ZDBF2: variants seen among roughly 807,000 people sequenced by gnomAD.
ZDBF2 encodes zinc finger DBF-type containing 2.
Under a neutral mutation model 9.4 loss-of-function variants are expected in ZDBF2, and 6 were observed. The ratio of observed to expected loss-of-function variants is 0.64; its 90% CI spans 0.35 to 1.27. The LOEUF (loss-of-function observed/expected upper bound fraction) is 1.27, where lower values mean the gene tolerates loss of function less well. ZDBF2 is among the 50% of genes most tolerant of loss of function. ZDBF2 has a pLI of 0.03. For missense variants in ZDBF2, 2,697 were observed against 2,766.8 expected (o/e 0.97, Z 0.57); for synonymous variants, 905 against 946.3 (o/e 0.96, Z 0.80).
rs778761720 is a variant in ZDBF2, at chr2:206,308,205, A to G, written c.3677A>G (p.Asp1226Gly). Residue 1226 changes from aspartate to glycine, a missense_variant, in exon 5 of 5, where the codon GAT (aspartate) becomes GGT (glycine). Coordinates refer to ENST00000374423, the MANE Select transcript of ZDBF2 (RefSeq NM_020923.3). ...GTTAAAGAAATAAGCCTTTGGAAGG[A>G]TGAAGAAGTTGACACGGAAGATAGG... ...ETVKEISLWK[D>G]EEVDTEDRRN... The G allele has an allele frequency of 1.2e-6, 2 of 1,613,924 alleles. No homozygotes were observed. The highest frequency in any genetic ancestry group is 2.2e-5 in the South Asian group (2 of 91,058).
rs191976534 is a variant in ZDBF2 at position 206,284,185 on chromosome 2, G to T, written c.60+2276G>T. ...GAGATAGGGCTATACTTTTTTTTTT[G>T]AGTCTGTAAAATTAAATCTGTTTCA... On this transcript the variant is annotated intron_variant, in intron 3 of 4. Coordinates refer to ENST00000374423, the MANE Select transcript of ZDBF2 (RefSeq NM_020923.3). Among the ~76,000 whole-genome samples the T allele has an allele frequency of 9.8e-3, 1,470 of 150,202 alleles. 24 individuals are homozygous for T. The highest frequency in any genetic ancestry group is 0.032 in the African/African-American group (1,326 of 40,930).
chr2:206,298,462 G>A (rs546171912), intron 4 of ZDBF2, among the ~76,000 whole-genome samples: 26 of 152,318 alleles, frequency 1.7e-4, no homozygotes, highest in Admixed American at 7.2e-4. Flanking sequence ...TGGTTTCTTA[G>A]CTGGTGGGAA....
At position 206,306,017 on chromosome 2, in the gene ZDBF2, G is replaced by A; in HGVS notation, c.1489G>A (p.Asp497Asn). 6.2e-7 allele frequency: 1 copy of A among 1,613,338 alleles called. No homozygotes were observed. Residue 497 changes from aspartate to asparagine, a missense_variant, in exon 5 of 5, where the codon GAT becomes AAT. Around this residue, in one of 3 missense-constraint regions of ZDBF2, gnomAD observed 910 missense variants for 973.6 expected, o/e 0.93. Transcript: ENST00000374423. ...YESSSSETNF[D>N]CDASPQSTSD... ...ATCTAGTAGTTCTGAAACGAATTTTGATTGTGATGCTTCACCTCAGTCCAC... is the reference window on the plus strand; with the variant it reads ...ATCTAGTAGTTCTGAAACGAATTTTAATTGTGATGCTTCACCTCAGTCCAC...
chr2:206,309,799 A>G lies in ZDBF2; in HGVS notation c.5271A>G (p.Pro1757=), dbSNP rs372329507. Reference sequence around the variant, plus strand: ...ATTTTCAGTGTGCTCCCCCTCTTCCATCTGATACTGATCAGCCTCAAGAAA... The same window carrying G: ...ATTTTCAGTGTGCTCCCCCTCTTCCGTCTGATACTGATCAGCCTCAAGAAA... ...EMNFQCAPPL[P]SDTDQPQETV... is the part of the protein sequence containing the mutation. Residue 1757 remains proline (P), a synonymous_variant, in exon 5 of 5, where the codon CCA becomes CCG. Coordinates refer to ENST00000374423, the MANE Select transcript of ZDBF2 (RefSeq NM_020923.3). 19 of 1,613,978 alleles carry G rather than the reference A, an allele frequency of 1.2e-5. No individual in the cohort carries two copies. The highest frequency in any genetic ancestry group is 1.7e-4 in the Middle Eastern group (1 of 6,060).
At chr2:206,289,044 G>A (rs1421987261) in intron 3 of ZDBF2, among the ~76,000 whole-genome samples, 1 of 152,116 alleles carries the variant, frequency 6.6e-6, no homozygotes, top group African/African-American at 2.4e-5. Flanking sequence ...GTCTAGTCTG[G>A]TCTAGGAAAG....
chr2:206,279,569 A>C lies in ZDBF2; in HGVS notation c.-73A>C, dbSNP rs970803676. 6.6e-6 allele frequency: 1 copy of C among 152,154 alleles called. No individual in the cohort carries two copies. The highest frequency in any genetic ancestry group is 2.4e-5 in the African/African-American group (1 of 41,412). The allele number at this position is 152,154 out of a possible 1,614,324, so 9.4% of individuals were successfully genotyped here. A position where few individuals can be genotyped will look rare whatever the true frequency, so the allele number is the denominator to read the frequency against. Reference sequence around the variant, plus strand: ...TTGCCAGAACTAATACAGCTGATGAAATACCTGACCTTTTCTGCTCCAGGT... The same window carrying C: ...TTGCCAGAACTAATACAGCTGATGACATACCTGACCTTTTCTGCTCCAGGT... On this transcript the variant is annotated 5_prime_UTR_variant, in exon 2 of 5. Transcript: ENST00000374423.
rs190625973 is a variant in ZDBF2 at position 206,305,732 on chromosome 2, A to G, written c.1204A>G (p.Arg402Gly). ...TGACCAAGAAGATAACTATGAGTCT[A>G]GAGGTTCAGAAATGAGTTTTGATTG... ...QIDQEDNYES[R>G]GSEMSFDCSS... Residue 402 changes from arginine to glycine, a missense_variant, in exon 5 of 5, where the codon AGA becomes GGA. Coordinates refer to ENST00000374423, the MANE Select transcript of ZDBF2 (RefSeq NM_020923.3). 84 of 1,613,778 alleles carry G rather than the reference A, an allele frequency of 5.2e-5. No individual in the cohort carries two copies. In the African/African-American group the frequency reaches 8.8e-4, roughly 17 times the overall value.
rs1414257599 is a variant in ZDBF2 at position 206,312,282 on chromosome 2, T to C, written c.*689T>C. Reference sequence around the variant, plus strand: ...CCCATGTGTTTAGGCATTCCCCCCCTTTTTTTTAACCACCTTTACTCTCTT... The same window carrying C: ...CCCATGTGTTTAGGCATTCCCCCCCCTTTTTTTAACCACCTTTACTCTCTT... On this transcript the variant is annotated 3_prime_UTR_variant, in exon 5 of 5. Coordinates refer to ENST00000374423, the MANE Select transcript of ZDBF2 (RefSeq NM_020923.3). 2 of 151,102 alleles carry C rather than the reference T, an allele frequency of 1.3e-5. No homozygotes were observed. The highest frequency in any genetic ancestry group is 1.5e-5 in the Non-Finnish European group (1 of 67,424). The allele number at this position is 151,102 out of a possible 1,614,324, so 9.4% of individuals were successfully genotyped here.
At chr2:206,298,903 C>A (rs1382557709) in intron 4 of ZDBF2, among the ~76,000 whole-genome samples, 3 of 150,926 alleles carry the variant, frequency 2.0e-5, no homozygotes, top group Non-Finnish European at 4.4e-5. Context: ...TTTTTTGAGA[C>A]AGAGTCTCGG....
At chr2:206,303,926 AT>A (rs929522261) in intron 4 of ZDBF2, among the ~76,000 whole-genome samples, 5 of 152,190 alleles carry the variant, frequency 3.3e-5, no homozygotes, top group African/African-American at 1.2e-4. Context: ...ATTAAATACC[AT>A]TAATTATTTA....
chr2:206,276,987 G>C (rs564383364), intron 1 of ZDBF2, among the ~76,000 whole-genome samples: 1 of 152,054 alleles, frequency 6.6e-6, no homozygotes, highest in African/African-American at 2.4e-5. Context: ...TTATGCATTC[G>C]GCCATTGTTT....
Position 206,311,579 on chromosome 2 carries a change from A to G in ZDBF2, c.7051A>G (p.Asn2351Asp). The G allele has an allele frequency of 6.7e-7, 1 of 1,502,172 alleles. No individual in the cohort carries two copies. Among genetic ancestry groups the G allele is most frequent in the Non-Finnish European group, 8.9e-7 (1 of 1,127,250 alleles). The allele number at this position is 1,502,172 out of a possible 1,614,324, so 93.1% of individuals were successfully genotyped here. A position where few individuals can be genotyped will look rare whatever the true frequency, so the allele number is the denominator to read the frequency against. Residue 2351 changes from asparagine to aspartate, a missense_variant, in exon 5 of 5, where the codon AAT becomes GAT. Around this residue, in one of 3 missense-constraint regions of ZDBF2, gnomAD observed 1,783 missense variants for 1,776.5 expected, o/e 1.00. Transcript: ENST00000374423. ...MTRLANKLRG[N>D]EVK ...TCGGCTAGCAAACAAACTGAGAGGT[A>G]ATGAGGTAAAATAGAAGTTGGTTTT...
chr2:206,279,285 C>T (rs1574374144), intron 1 of ZDBF2, among the ~76,000 whole-genome samples: 1 of 152,088 alleles, frequency 6.6e-6, no homozygotes, highest in Admixed American at 6.6e-5. Context: ...GCTACTGTTC[C>T]AGGAACCTAG....
In ZDBF2 at chr2:206,305,672, G is replaced by C; in HGVS notation, c.1144G>C (p.Ala382Pro). The change falls in exon 5 of 5, where the codon GCA (alanine) becomes CCA (proline). Residue 382 changes from alanine (A) to proline (P), a missense_variant. This residue lies in a region of ZDBF2 where 910 missense variants were observed against 973.6 expected (regional missense o/e 0.93). Transcript: ENST00000374423. The stretch of plus-strand genomic sequence containing the variant: ...AGCATCTGATCAGCCCCAAGAGACT[G>C]CACAAGACTTAAGTCTTTGGAAGGA... Reference protein sequence around the residue: ...QSASDQPQETAQDLSLWKEEQ... With the variant: ...QSASDQPQETPQDLSLWKEEQ... 1 of 1,613,632 alleles carries C rather than the reference G, an allele frequency of 6.2e-7. No homozygotes were observed. The highest frequency in any genetic ancestry group is 8.5e-7 in the Non-Finnish European group (1 of 1,179,772).
chr2:206,291,394 T>G (rs895381232), intron 3 of ZDBF2, among the ~76,000 whole-genome samples: 6 of 152,174 alleles, frequency 3.9e-5, no homozygotes, highest in Non-Finnish European at 7.3e-5. Context: ...TGGAAACGCT[T>G]GCTTGCCTGC....
chr2:206,309,172 A>G lies in ZDBF2; in HGVS notation c.4644A>G (p.Leu1548=), dbSNP rs781062373. The change falls in exon 5 of 5, where the codon TTA becomes TTG. Residue 1548 remains leucine, a synonymous_variant. Transcript: ENST00000374423. ...EVISDDIPLQ[L]VTDPPQLTVK... ...TTTCAGATGATATTCCCCTTCAGTT[A>G]GTGACTGACCCACCTCAGTTGACTG... The G allele has an allele frequency of 6.2e-7, 1 of 1,610,818 alleles. No individual in the cohort carries two copies. The highest frequency in any genetic ancestry group is 8.5e-7 in the Non-Finnish European group (1 of 1,178,160).
chr2:206,276,541 TA>T (rs1207902386), intron 1 of ZDBF2, among the ~76,000 whole-genome samples: 3 of 152,204 alleles, frequency 2.0e-5, no homozygotes, highest in Non-Finnish European at 4.4e-5. Flanking sequence ...CACCTAATAT[TA>T]AAACAAGTAG....
At chr2:206,301,762 T>C (rs1396002346) in intron 4 of ZDBF2, among the ~76,000 whole-genome samples, 1 of 152,100 alleles carries the variant, frequency 6.6e-6, no homozygotes, top group Non-Finnish European at 1.5e-5. Context: ...TTTATTTTTG[T>C]TTCATCTTCA....
In ZDBF2 at chr2:206,309,186, C is replaced by T. The variant is rs1380624132; in HGVS notation, c.4658C>T (p.Pro1553Leu). ...DIPLQLVTDP[P>L]QLTVKDISCI... ...CCCCTTCAGTTAGTGACTGACCCAC[C>T]TCAGTTGACTGTCAAAGATATCAGC... is the stretch of plus-strand genomic sequence containing the variant. The change falls in exon 5 of 5, where the codon CCT becomes CTT. Residue 1553 changes from proline to leucine, a missense_variant. Physicochemically the swap from Pro to Leu is moderately conservative, Grantham distance 98. This residue lies in a region of ZDBF2 where 1,783 missense variants were observed against 1,776.5 expected (regional missense o/e 1.00). Coordinates refer to ENST00000374423, the MANE Select transcript of ZDBF2 (RefSeq NM_020923.3). 5.6e-6 allele frequency: 9 copies of T among 1,609,262 alleles called. No individual in the cohort carries two copies. The South Asian group carries it at 7.7e-5, about 14-fold the overall frequency.
Sources: allele counts gnomAD v4.1 joint callset (sites outside exome capture counted in the v4.1 genomes callset), GRCh38; gene constraint gnomAD v4.1.1; regional missense constraint gnomAD v4.1.1; transcripts MANE v1.5; gene names NCBI Gene and HGNC (gene_info 2026-07-23, HGNC 2026-07-21).